SCARB1: variants seen among roughly 807,000 people sequenced by gnomAD.
SCARB1 encodes the protein CD36 and LIMPII analogous 1.
SCARB1 carries 30 observed loss-of-function variants against 57.2 expected under a neutral mutation model. The ratio of observed to expected loss-of-function variants is 0.52; its 90% CI spans 0.39 to 0.71. SCARB1 has a LOEUF of 0.71. Ranked by LOEUF, SCARB1 falls within the 30% of genes least tolerant of loss-of-function variation. The pLI is 0.00. For missense variants in SCARB1, 543 were observed against 671.2 expected (o/e 0.81, Z 2.11); for synonymous variants, 249 against 268.3 (o/e 0.93, Z 0.70).
rs551117025 is a variant in SCARB1 at position 124,817,758 on chromosome 12, C to T, written c.127-51G>A. On this transcript the variant is annotated intron_variant, in intron 1 of 12. Transcript: ENST00000261693. This position sits in a 1 kb window ranked among gnomAD's most constrained non-coding sequence, Gnocchi z 4.8. ...TGTGAGGAGAGTGATGAGGGCCCCACGCCCCACCACAAGGCTCCGGAACAG... is the reference window on the plus strand; with the variant it reads ...TGTGAGGAGAGTGATGAGGGCCCCATGCCCCACCACAAGGCTCCGGAACAG... 1.4e-5 allele frequency: 23 copies of T among 1,600,344 alleles called. No homozygotes were observed. Among genetic ancestry groups the T allele is most frequent in the African/African-American group, 1.2e-4 (9 of 74,764 alleles).
At chr12:124,849,900 C>CA (rs1245627612) in intron 1 of SCARB1, among the ~76,000 whole-genome samples, 2 of 66,038 alleles carry the variant, frequency 3.0e-5, no homozygotes, top group Non-Finnish European at 7.1e-5. Flanking sequence ...CCTGTCTCTA[C>CA]AAAAAATCTA....
At chr12:124,849,878 C>CCTGGTGA (rs1566253926) in intron 1 of SCARB1, among the ~76,000 whole-genome samples, 17 of 128,124 alleles carry the variant, frequency 1.3e-4, no homozygotes, top group South Asian at 7.4e-4. Flanking sequence ...GCCTGGGCAA[C>CCTGGTGA]ATAGCAAGAC....
At position 124,853,824 on chromosome 12, in the gene SCARB1, G is replaced by A. The variant is rs546601636; in HGVS notation, c.126+9771C>T. 1.2e-3 allele frequency among the ~76,000 whole-genome samples: 180 copies of A among 152,290 alleles called. 1 individual carries two copies. The highest frequency in any genetic ancestry group is 3.4e-3 in the Middle Eastern group (1 of 294). On this transcript the variant is annotated intron_variant, in intron 1 of 12. Coordinates refer to ENST00000261693, the MANE Select transcript of SCARB1 (RefSeq NM_005505.5). ...CACTGGGAAACAACGGTGGCAGCTCGGTCTGGGGCGACGGCCACGGCAGGT... is the reference window on the plus strand; with the variant it reads ...CACTGGGAAACAACGGTGGCAGCTCAGTCTGGGGCGACGGCCACGGCAGGT...
intron 1 of SCARB1, among the ~76,000 whole-genome samples, chr12:124,825,086 G>C (rs954085728): frequency 1.3e-5 from 2 of 151,896 alleles, no homozygotes; most frequent in African/African-American, 4.8e-5. Flanking sequence ...TTAGCCAGGC[G>C]TGGTGGCAGA....
rs370446976 is a variant in SCARB1 at position 124,778,934 on chromosome 12, A to T, written c.*1-348T>A. ...GCAAGCTCTGTCCCTCAGGAGGAGAACGTATGTTTATGTGTTGATTTATTT... is the reference window on the plus strand; with the variant it reads ...GCAAGCTCTGTCCCTCAGGAGGAGATCGTATGTTTATGTGTTGATTTATTT... On this transcript the variant is annotated intron_variant, in intron 12 of 12. Transcript: ENST00000261693. 5.3e-5 allele frequency among the ~76,000 whole-genome samples: 8 copies of T among 152,130 alleles called. 1 individual carries two copies. Among genetic ancestry groups the T allele is most frequent in the African/African-American group, 1.9e-4 (8 of 41,424 alleles).
At chr12:124,813,535 G>A (rs1344696830) in intron 4 of SCARB1, among the ~76,000 whole-genome samples, 1 of 152,128 alleles carries the variant, frequency 6.6e-6, no homozygotes, top group Non-Finnish European at 1.5e-5. Context: ...CTAAACTAGG[G>A]ACTTTGTAAT....
chr12:124,788,668 C>G (rs538164191), intron 9 of SCARB1, among the ~76,000 whole-genome samples: 3 of 152,308 alleles, frequency 2.0e-5, no homozygotes, highest in African/African-American at 7.2e-5. Context: ...CTCCAGACAT[C>G]CTCTAAAAGA....
intron 1 of SCARB1, among the ~76,000 whole-genome samples, chr12:124,854,139 G>A (rs1297534331): frequency 6.6e-6 from 1 of 152,226 alleles, no homozygotes; most frequent in Non-Finnish European, 1.5e-5. Context: ...AGCAGAGCGG[G>A]TAAGGAGGGC....
intron 1 of SCARB1, among the ~76,000 whole-genome samples, chr12:124,823,342 G>T (rs6488943): frequency 0.9 from 136,971 of 152,258 alleles, 62,726 homozygotes; most frequent in Non-Finnish European, 1. Flanking sequence ...AAAAGACCTT[G>T]CTCCAAAGAA....
At chr12:124,834,848 C>T (rs1951566563) in intron 1 of SCARB1, among the ~76,000 whole-genome samples, 1 of 152,166 alleles carries the variant, frequency 6.6e-6, no homozygotes, top group Non-Finnish European at 1.5e-5. Flanking sequence ...GTCGAGGCTG[C>T]AGTGAGCTGT....
chr12:124,790,467 G>A (rs1252562632), intron 9 of SCARB1, among the ~76,000 whole-genome samples: 2 of 152,120 alleles, frequency 1.3e-5, no homozygotes, highest in East Asian at 1.9e-4. Context: ...AGCTGTAAAC[G>A]GCAAGGCACA....
chr12:124,804,226 C>T (rs1950246642), intron 7 of SCARB1, among the ~76,000 whole-genome samples: 2 of 152,220 alleles, frequency 1.3e-5, no homozygotes, highest in Admixed American at 1.3e-4. Context: ...AGAGCAAACC[C>T]TGGAACTTCT....
Position 124,778,550 on chromosome 12 carries a change from C to A in SCARB1, c.*37G>T. ...GGGCTGGGGGGCCGGTCAGGCCCAG[C>A]GGCCAGGCCTGGCTGGCTCACGGTG... is the stretch of plus-strand genomic sequence containing the variant. On this transcript the variant is annotated 3_prime_UTR_variant, in exon 13 of 13. Coordinates refer to ENST00000261693, the MANE Select transcript of SCARB1 (RefSeq NM_005505.5). The A allele has an allele frequency of 7.2e-7, 1 of 1,381,426 alleles. No homozygotes were observed. Among genetic ancestry groups the A allele is most frequent in the South Asian group, 1.7e-5 (1 of 57,332 alleles). 85.6% of individuals were successfully genotyped at this position (1,381,426 alleles called of 1,614,324 possible).
At chr12:124,859,321 A>G (rs1298175285) in intron 1 of SCARB1, among the ~76,000 whole-genome samples, 1 of 152,074 alleles carries the variant, frequency 6.6e-6, no homozygotes, top group African/African-American at 2.4e-5. Flanking sequence ...AGGTCAGGAG[A>G]TCAAGACCAT....
Position 124,810,162 on chromosome 12 carries a change from C to T in SCARB1, c.842+12G>A, listed in dbSNP as rs768611337. ...CCAGGAAACCCAGGAGGCCCCGAGT[C>T]CCAGTGATTACCGGCAGGCCTCCGG... On this transcript the variant is annotated intron_variant, in intron 6 of 12. Transcript: ENST00000261693. The surrounding 1 kb of genome is among the most constrained non-coding windows in gnomAD (Gnocchi z 4.0). The T allele has an allele frequency of 1.3e-6, 2 of 1,587,430 alleles. No homozygotes were observed. Among genetic ancestry groups the T allele is most frequent in the South Asian group, 2.2e-5 (2 of 90,570 alleles).
intron 1 of SCARB1, among the ~76,000 whole-genome samples, chr12:124,832,735 C>T (rs1951457475): frequency 6.6e-6 from 1 of 152,156 alleles, no homozygotes; most frequent in African/African-American, 2.4e-5. Flanking sequence ...ATTAACACAA[C>T]ATTATTTTAA....
At chr12:124,855,566 G>T (rs1400787201) in intron 1 of SCARB1, among the ~76,000 whole-genome samples, 1 of 152,216 alleles carries the variant, frequency 6.6e-6, no homozygotes, top group Non-Finnish European at 1.5e-5. Flanking sequence ...GGGAGACGAG[G>T]TAAATAAAAG....
intron 1 of SCARB1, among the ~76,000 whole-genome samples, chr12:124,859,154 G>A (rs968791616): frequency 6.6e-6 from 1 of 152,160 alleles, no homozygotes; most frequent in African/African-American, 2.4e-5. Flanking sequence ...AAAGTGCTGG[G>A]ATCGCAAGTT....
At chr12:124,808,160 T>C (rs1039562046) in intron 6 of SCARB1, among the ~76,000 whole-genome samples, 2 of 152,080 alleles carry the variant, frequency 1.3e-5, no homozygotes, top group Non-Finnish European at 2.9e-5. Flanking sequence ...GATGGAGTTT[T>C]ACAAAAGAAC....
Sources: gnomAD v4.1 joint callset for allele counts (sites outside exome capture counted in the v4.1 genomes callset) on GRCh38, gnomAD v4.1.1 for gene constraint, Gnocchi (gnomAD v3.1) non-coding constraint, MANE v1.5 for transcripts, NCBI Gene and HGNC (gene_info 2026-07-23, HGNC 2026-07-21) for gene names.